The following PIK3CB variants were observed in gnomAD, a reference collection of about 807,000 sequenced individuals.
The protein encoded by PIK3CB is phosphatidylinositol-4,5-bisphosphate 3-kinase catalytic subunit beta, also known as phosphatidylinositol 4,5-bisphosphate 3-kinase catalytic subunit beta isoform.
In PIK3CB, 39 loss-of-function variants were observed where a neutral mutation model predicts 136.8. The observed-to-expected ratio is 0.29, with a 90% CI of 0.22 to 0.37. The LOEUF is 0.37. Ranked by LOEUF, PIK3CB falls within the 10% of genes least tolerant of loss-of-function variation. The pLI is 1.00. For missense variants in PIK3CB, 868 were observed against 1,275.4 expected, an observed-to-expected ratio of 0.68 and a Z score of 4.87; for synonymous variants, 428 against 436.6, an observed-to-expected ratio of 0.98 and a Z score of 0.25.
chr3:138,678,937 G>A (rs1188427015), intron 19 of PIK3CB, among the ~76,000 whole-genome samples: 11 of 151,966 alleles, frequency 7.2e-5, no homozygotes, highest in African/African-American at 2.2e-4. Context: ...CTGGTGACCC[G>A]TGCCTGTAAT....
chr3:138,795,323 TAAAAAA>T (rs56912195), intron 2 of PIK3CB, among the ~76,000 whole-genome samples: 10 of 112,364 alleles, frequency 8.9e-5, no homozygotes, highest in Middle Eastern at 5.0e-3. Flanking sequence ...CTCTGTCTTT[TAAAAAA>T]AAAAAAAAAA....
chr3:138,808,655 G>C (rs2046259921), intron 1 of PIK3CB, among the ~76,000 whole-genome samples: 1 of 151,592 alleles, frequency 6.6e-6, no homozygotes, highest in African/African-American at 2.4e-5. Flanking sequence ...CTGCACTCTA[G>C]CATGTACAAC....
intron 2 of PIK3CB, among the ~76,000 whole-genome samples, chr3:138,776,606 C>T (rs1299525706): frequency 1.3e-5 from 2 of 152,000 alleles, no homozygotes; most frequent in Admixed American, 6.6e-5. Context: ...AGCTGAGGGA[C>T]GATCGCCTGA....
intron 6 of PIK3CB, among the ~76,000 whole-genome samples, chr3:138,737,175 T>C (rs2045126294): frequency 6.6e-6 from 1 of 151,862 alleles, no homozygotes; most frequent in Non-Finnish European, 1.5e-5. Flanking sequence ...GGCGGATCAC[T>C]TGAGGCCAGG....
At chr3:138,657,906 T>A (rs1281476812) in intron 21 of PIK3CB, 71 bp from the exon 22 acceptor site, 2 of 1,461,688 alleles carry the variant, frequency 1.4e-6, no homozygotes, top group African/African-American at 2.8e-5. Context: ...AAAACCTCCA[T>A]AGTCCTAGAC....
intron 19 of PIK3CB, among the ~76,000 whole-genome samples, chr3:138,679,829 C>T (rs1020097235): frequency 6.7e-6 from 1 of 148,318 alleles, no homozygotes; most frequent in Non-Finnish European, 1.5e-5. Flanking sequence ...AACTCCTGAG[C>T]GAAAGTGATC....
intron 2 of PIK3CB, among the ~76,000 whole-genome samples, chr3:138,789,449 A>AC (rs1316743293): frequency 6.6e-6 from 1 of 152,082 alleles, no homozygotes; most frequent in Non-Finnish European, 1.5e-5. Flanking sequence ...ACAGAGTGAG[A>AC]CCCTATCTCA....
chr3:138,665,657 T>C (rs1451772465), intron 19 of PIK3CB, among the ~76,000 whole-genome samples: 1 of 152,188 alleles, frequency 6.6e-6, no homozygotes, highest in East Asian at 1.9e-4. Flanking sequence ...CAGCCTCTAC[T>C]TGCCAGCCTC....
intron 21 of PIK3CB, among the ~76,000 whole-genome samples, chr3:138,663,279 T>G (rs2108414610): frequency 6.6e-6 from 1 of 152,328 alleles, no homozygotes; most frequent in East Asian, 1.9e-4. Context: ...ATCTTTAAAT[T>G]TAATACATCC....
intron 16 of PIK3CB, among the ~76,000 whole-genome samples, chr3:138,688,310 G>A (rs578202098): frequency 1.9e-4 from 29 of 152,094 alleles, no homozygotes; most frequent in African/African-American, 6.3e-4. Context: ...GACCAGCTTG[G>A]CCAACACAGT....
intron 1 of PIK3CB, among the ~76,000 whole-genome samples, chr3:138,812,583 A>G (rs1198616320): frequency 6.7e-6 from 1 of 149,342 alleles, no homozygotes; most frequent in Non-Finnish European, 1.5e-5. Flanking sequence ...CCTGGAGTGC[A>G]ATGGTATGAC....
At chr3:138,808,715 CCTCTCTCTCTCTCTCCTTTTCT>C (rs1360146060) in intron 1 of PIK3CB, among the ~76,000 whole-genome samples, 1 of 147,612 alleles carries the variant, frequency 6.8e-6, no homozygotes, top group Non-Finnish European at 1.5e-5. Flanking sequence ...AAATCTAGGC[CCTCTCTCTCTCTCTCCTTTTCT>C]CTCTCTCTCT....
At chr3:138,673,265 CAA>C (rs1553720079) in intron 19 of PIK3CB, among the ~76,000 whole-genome samples, 1 of 151,878 alleles carries the variant, frequency 6.6e-6, no homozygotes, top group Non-Finnish European at 1.5e-5. Flanking sequence ...AGGAAATGTT[CAA>C]AGTTTTCAGA....
At chr3:138,657,590 C>G in intron 22 of PIK3CB, 100 bp downstream of exon 22, 2 of 1,051,898 alleles carry the variant, frequency 1.9e-6, no homozygotes, top group Non-Finnish European at 2.8e-6. Context: ...GACTGAATAT[C>G]TCCCAGATCC....
At chr3:138,749,186 G>A (rs986472628) in intron 4 of PIK3CB, among the ~76,000 whole-genome samples, 20 of 152,132 alleles carry the variant, frequency 1.3e-4, no homozygotes, top group African/African-American at 4.1e-4. Flanking sequence ...AGGTATTACA[G>A]GTGACGAAAG....
chr3:138,781,213 G>C (rs1281937736), intron 2 of PIK3CB, among the ~76,000 whole-genome samples: 1 of 151,556 alleles, frequency 6.6e-6, no homozygotes, highest in African/African-American at 2.4e-5. Context: ...AATTGCTCGA[G>C]CCCAGTAGGT....
intron 19 of PIK3CB, among the ~76,000 whole-genome samples, chr3:138,679,076 C>T (rs1027928061): frequency 2.0e-5 from 3 of 151,682 alleles, no homozygotes; most frequent in African/African-American, 7.3e-5. Flanking sequence ...AAAAAACAAA[C>T]AAACAAACAA....
chr3:138,809,765 A>C (rs748024305), intron 1 of PIK3CB, among the ~76,000 whole-genome samples: 1 of 152,166 alleles, frequency 6.6e-6, no homozygotes, highest in Non-Finnish European at 1.5e-5. Context: ...TTAAGTATGG[A>C]TAAATTTATA....
intron 21 of PIK3CB, among the ~76,000 whole-genome samples, chr3:138,659,866 CTTTTTTTTTT>C (rs56255742): frequency 5.3e-5 from 4 of 75,422 alleles, no homozygotes; most frequent in South Asian, 6.0e-4. Flanking sequence ...CTTTCCTCTT[CTTTTTTTTTT>C]TTTTTTTTTT....
Sources: allele counts gnomAD v4.1 joint callset (sites outside exome capture counted in the v4.1 genomes callset), GRCh38; gene constraint gnomAD v4.1.1; transcripts MANE v1.5; gene names NCBI Gene and HGNC (gene_info 2026-07-23, HGNC 2026-07-21).